The following NALF1 variants were observed in gnomAD, a reference collection of about 807,000 sequenced individuals.
NALF1 encodes the protein NALCN channel auxiliary factor 1.
A neutral mutation model predicts 48.4 loss-of-function variants in NALF1; 3 were observed. The ratio of observed to expected loss-of-function variants is 0.06; its 90% CI spans 0.03 to 0.16. The LOEUF is 0.16. Ranked by LOEUF, NALF1 falls within the 10% of genes least tolerant of loss-of-function variation. The pLI, the probability that NALF1 is intolerant of heterozygous loss-of-function variation, is 1.00. For missense variants in NALF1, 526 were observed against 571.5 expected (o/e 0.92, Z 0.81); for synonymous variants, 262 against 245.7 (o/e 1.07, Z -0.62).
intron 1 of NALF1, among the ~76,000 whole-genome samples, chr13:107,283,317 T>C (rs1881425539): frequency 6.6e-6 from 1 of 152,128 alleles, no homozygotes. Flanking sequence ...ATCAGCAACA[T>C]GGTGAAGTAC....
In NALF1 at chr13:107,246,719, G is replaced by T. The variant is rs572225178; in HGVS notation, c.916-35964C>A. Among the ~76,000 whole-genome samples the T allele has an allele frequency of 1.1e-4, 17 of 152,244 alleles. No individual in the cohort carries two copies. The South Asian group carries it at 3.5e-3, about 32-fold the overall frequency. On this transcript the variant is annotated intron_variant, in intron 1 of 2. Coordinates refer to ENST00000375915, the MANE Select transcript of NALF1 (RefSeq NM_001080396.3). ...AACGAACAAGCCTATTTAAACAAAA[G>T]AAAATTATAGTTTATATTTGCTCTC...
intron 1 of NALF1, among the ~76,000 whole-genome samples, chr13:107,303,444 G>C (rs1000450355): frequency 6.6e-6 from 1 of 152,142 alleles, no homozygotes; most frequent in Non-Finnish European, 1.5e-5. Flanking sequence ...AAAAACATCA[G>C]AATATTTGTG....
At chr13:107,516,469 C>T (rs1370630322) in intron 1 of NALF1, among the ~76,000 whole-genome samples, 1 of 152,174 alleles carries the variant, frequency 6.6e-6, no homozygotes, top group Non-Finnish European at 1.5e-5. Flanking sequence ...AAAGGAATTT[C>T]ATTTAATTTG....
intron 1 of NALF1, among the ~76,000 whole-genome samples, chr13:107,451,549 C>G (rs1884740329): frequency 6.6e-6 from 1 of 152,178 alleles, no homozygotes; most frequent in African/African-American, 2.4e-5. Context: ...GGATAAGCAG[C>G]ATGTCTGAAT....
intron 1 of NALF1, among the ~76,000 whole-genome samples, chr13:107,272,985 A>G (rs1043385923): frequency 6.6e-6 from 1 of 152,366 alleles, no homozygotes; most frequent in African/African-American, 2.4e-5. Flanking sequence ...GGTTCAGGAC[A>G]TGCTACCCAA....
At chr13:107,681,630 C>T (rs1390913328) in intron 1 of NALF1, among the ~76,000 whole-genome samples, 6 of 152,116 alleles carry the variant, frequency 3.9e-5, no homozygotes, top group African/African-American at 1.4e-4. Context: ...ATGACCGGAG[C>T]GGGCTGTCCA....
intron 1 of NALF1, among the ~76,000 whole-genome samples, chr13:107,776,759 T>C (rs376080300): frequency 3.3e-4 from 50 of 152,332 alleles, no homozygotes; most frequent in African/African-American, 1.2e-3. Context: ...AATGCTGCAA[T>C]ATAAACTAAT....
At position 107,445,881 on chromosome 13, in the gene NALF1, T is replaced by C. The variant is rs541253040; in HGVS notation, c.916-235126A>G. On this transcript the variant is annotated intron_variant, in intron 1 of 2. Transcript: ENST00000375915. The stretch of plus-strand genomic sequence containing the variant: ...TAATGCCACCAATTCACCTGTGATT[T>C]ATTCTTTATTTGGACTTTTTATTAT... Among the ~76,000 whole-genome samples the C allele has an allele frequency of 1.1e-4, 16 of 152,318 alleles. No homozygotes were observed. The South Asian group carries it at 3.1e-3, about 30-fold the overall frequency.
chr13:107,536,325 C>A (rs1165513720), intron 1 of NALF1, among the ~76,000 whole-genome samples: 2 of 152,128 alleles, frequency 1.3e-5, no homozygotes, highest in Non-Finnish European at 2.9e-5. Flanking sequence ...TCACAACCTA[C>A]TCATCTGACA....
In NALF1 at chr13:107,866,634, A is replaced by AG. The variant is rs1880739863; in HGVS notation, c.-39dup. The AG allele has an allele frequency of 6.4e-7, 1 of 1,553,970 alleles. No individual in the cohort carries two copies. The highest frequency in any genetic ancestry group is 8.7e-7 in the Non-Finnish European group (1 of 1,153,534). On this transcript the variant is annotated 5_prime_UTR_variant, in exon 1 of 3. Coordinates refer to ENST00000375915, the MANE Select transcript of NALF1 (RefSeq NM_001080396.3). The surrounding 1 kb of genome is among the most constrained non-coding windows in gnomAD (Gnocchi z 4.4). The stretch of plus-strand genomic sequence containing the variant: ...CACAGCCCTGGCCGACTCCACCGTG[A>AG]GGGCGCCTGTGCCGGTGTCACCACA...
At chr13:107,765,050 C>T (rs1877384625) in intron 1 of NALF1, among the ~76,000 whole-genome samples, 1 of 152,112 alleles carries the variant, frequency 6.6e-6, no homozygotes, top group Non-Finnish European at 1.5e-5. Context: ...GCTCCTCACC[C>T]ACGGAAAGAG....
intron 1 of NALF1, among the ~76,000 whole-genome samples, chr13:107,532,386 C>G (rs1405050529): frequency 1.3e-5 from 2 of 152,002 alleles, no homozygotes; most frequent in Non-Finnish European, 2.9e-5. Flanking sequence ...TTGCTGCTTC[C>G]TTTCTCTATG....
intron 1 of NALF1, among the ~76,000 whole-genome samples, chr13:107,248,915 C>G (rs1477248745): frequency 6.9e-6 from 1 of 145,324 alleles, no homozygotes; most frequent in Non-Finnish European, 1.5e-5. Context: ...AAAAAAATTT[C>G]TGGAGAGTTG....
intron 1 of NALF1, among the ~76,000 whole-genome samples, chr13:107,595,425 G>A (rs1418348697): frequency 6.6e-6 from 1 of 151,926 alleles, no homozygotes; most frequent in Non-Finnish European, 1.5e-5. Flanking sequence ...TTCTACTGAT[G>A]GCACTAGAAA....
chr13:107,612,973 G>A (rs377680870), intron 1 of NALF1, among the ~76,000 whole-genome samples: 64 of 150,750 alleles, frequency 4.2e-4, no homozygotes, highest in African/African-American at 1.4e-3. Context: ...CAAATTTATG[G>A]GTTTTTTTGG....
At chr13:107,601,231 G>A (rs1451403087) in intron 1 of NALF1, among the ~76,000 whole-genome samples, 2 of 152,166 alleles carry the variant, frequency 1.3e-5, no homozygotes, top group Non-Finnish European at 2.9e-5. Flanking sequence ...CAGGCTGGAG[G>A]TGATGGGGAA....
In NALF1 at chr13:107,274,585, T is replaced by A. The variant is rs1046583722; in HGVS notation, c.916-63830A>T. 3.6e-4 allele frequency among the ~76,000 whole-genome samples: 55 copies of A among 151,128 alleles called. 1 individual carries two copies. The highest frequency in any genetic ancestry group is 1.9e-3 in the East Asian group (10 of 5,138). On this transcript the variant is annotated intron_variant, in intron 1 of 2. Coordinates refer to ENST00000375915, the MANE Select transcript of NALF1 (RefSeq NM_001080396.3). ...TCTAAAGTAAATAAATTAATTAATTTAAAAAAAAATAGTATGGCAAAGCAA... is the reference window on the plus strand; with the variant it reads ...TCTAAAGTAAATAAATTAATTAATTAAAAAAAAAATAGTATGGCAAAGCAA...
At chr13:107,319,939 G>T (rs1226132645) in intron 1 of NALF1, among the ~76,000 whole-genome samples, 1 of 152,056 alleles carries the variant, frequency 6.6e-6, no homozygotes, top group South Asian at 2.1e-4. Context: ...TGACCACAAG[G>T]CCAATTTAAA....
chr13:107,230,300 C>A (rs540922716), intron 1 of NALF1, among the ~76,000 whole-genome samples: 54 of 152,092 alleles, frequency 3.6e-4, no homozygotes, highest in African/African-American at 1.2e-3. Context: ...AAAATGTATT[C>A]TACTCATAAA....
Sources: allele counts gnomAD v4.1 joint callset (sites outside exome capture counted in the v4.1 genomes callset), GRCh38; gene constraint gnomAD v4.1.1; non-coding constraint Gnocchi (gnomAD v3.1); transcripts MANE v1.5; gene names NCBI Gene and HGNC (gene_info 2026-07-23, HGNC 2026-07-21).